The following CAMK2D variants were observed in gnomAD, a reference collection of about 807,000 sequenced individuals.
The protein encoded by CAMK2D is calcium/calmodulin dependent protein kinase II delta.
Under a neutral mutation model 84.0 loss-of-function variants are expected in CAMK2D, and 37 were observed. That is an observed-to-expected ratio of 0.44 (90% CI 0.34 to 0.58). The LOEUF (loss-of-function observed/expected upper bound fraction) is 0.58, where lower values mean the gene tolerates loss of function less well. CAMK2D is among the 20% of genes least tolerant of loss of function. The pLI, the probability that CAMK2D is intolerant of heterozygous loss-of-function variation, is 0.02. For synonymous variants in CAMK2D, 202 were observed against 212.5 expected (o/e 0.95, Z 0.43); for missense variants, 448 against 652.5 (o/e 0.69, Z 3.41).
chr4:113,623,383 TAC>T (rs144980152), intron 3 of CAMK2D, among the ~76,000 whole-genome samples: 8,977 of 150,340 alleles, frequency 0.06, 496 homozygotes, highest in East Asian at 0.2. Context: ...GATGTGTATA[TAC>T]ACACACACAC....
chr4:113,704,861 C>T (rs978642109), intron 2 of CAMK2D, among the ~76,000 whole-genome samples: 11 of 151,938 alleles, frequency 7.2e-5, no homozygotes, highest in Non-Finnish European at 1.6e-4. Context: ...GGAAGTTATA[C>T]TACACAAGAA....
intron 8 of CAMK2D, among the ~76,000 whole-genome samples, chr4:113,530,623 G>A (rs76951088): frequency 0.024 from 3,718 of 152,260 alleles, 127 homozygotes; most frequent in African/African-American, 0.084. Flanking sequence ...CCTCATGAAT[G>A]GGATTAATGC....
At chr4:113,500,266 G>A (rs1564659508) in intron 16 of CAMK2D, among the ~76,000 whole-genome samples, 197 bp downstream of exon 16, 2 of 152,040 alleles carry the variant, frequency 1.3e-5, no homozygotes, top group East Asian at 1.9e-4. Context: ...AAAAGAATAT[G>A]TAGGAAAAAT....
At chr4:113,496,707 C>T (rs112291950) in intron 16 of CAMK2D, among the ~76,000 whole-genome samples, 8,445 of 151,868 alleles carry the variant, frequency 0.056, 722 homozygotes, top group African/African-American at 0.19. Flanking sequence ...CCTCAGCCTC[C>T]GAAAGTGCTG....
intron 2 of CAMK2D, among the ~76,000 whole-genome samples, chr4:113,741,751 A>G (rs1190955207): frequency 6.6e-6 from 1 of 152,132 alleles, no homozygotes; most frequent in Non-Finnish European, 1.5e-5. Flanking sequence ...AACTTGGCTA[A>G]AAGACTCTAC....
chr4:113,519,199 T>C (rs758590661), intron 8 of CAMK2D, among the ~76,000 whole-genome samples: 6 of 152,200 alleles, frequency 3.9e-5, no homozygotes, highest in Non-Finnish European at 8.8e-5. Flanking sequence ...ATAGTTTCCA[T>C]TGAATATGAA....
chr4:113,750,489 G>A (rs1010072476), intron 2 of CAMK2D, among the ~76,000 whole-genome samples: 3 of 152,098 alleles, frequency 2.0e-5, no homozygotes, highest in East Asian at 1.9e-4. Context: ...CTGTGCACGC[G>A]TCTATCACAG....
chr4:113,564,371 G>A (rs751703355), intron 4 of CAMK2D, among the ~76,000 whole-genome samples: 4 of 151,844 alleles, frequency 2.6e-5, no homozygotes, highest in Non-Finnish European at 4.4e-5. Flanking sequence ...TGCTGGTAAC[G>A]CCTAGCTAGG....
At chr4:113,599,393 T>C (rs955420218) in intron 4 of CAMK2D, among the ~76,000 whole-genome samples, 50 of 152,352 alleles carry the variant, frequency 3.3e-4, no homozygotes, top group African/African-American at 1.2e-3. Context: ...TGGATGTTTA[T>C]AGCAGCTTTA....
chr4:113,726,164 G>A (rs2148696649), intron 2 of CAMK2D, among the ~76,000 whole-genome samples: 1 of 152,108 alleles, frequency 6.6e-6, no homozygotes, highest in East Asian at 1.9e-4. Flanking sequence ...AATCCTCTGA[G>A]GTACATATTA....
intron 2 of CAMK2D, among the ~76,000 whole-genome samples, chr4:113,688,910 C>CAAAA (rs34196728): frequency 6.0e-5 from 3 of 49,714 alleles, no homozygotes; most frequent in African/African-American, 7.6e-5. Flanking sequence ...AAAGAAGATG[C>CAAAA]AAAAAAAAAA....
chr4:113,679,907 A>G (rs1029243032), intron 2 of CAMK2D, among the ~76,000 whole-genome samples: 2 of 152,222 alleles, frequency 1.3e-5, no homozygotes, highest in Non-Finnish European at 2.9e-5. Flanking sequence ...AAAGTTACCT[A>G]AAGTGACTGA....
chr4:113,550,070 A>G (rs1476357237), intron 5 of CAMK2D, among the ~76,000 whole-genome samples: 4 of 152,252 alleles, frequency 2.6e-5, no homozygotes, highest in Non-Finnish European at 5.9e-5. Context: ...AAGATAAAGA[A>G]GTAAACAATA....
intron 2 of CAMK2D, among the ~76,000 whole-genome samples, chr4:113,726,374 C>CTTTTTTT (rs34696947): frequency 2.9e-3 from 205 of 69,572 alleles, no homozygotes; most frequent in East Asian, 4.1e-3. Flanking sequence ...TTTGCTTGGG[C>CTTTTTTT]TTTTTTTTTT....
rs535050582 is a variant in CAMK2D at position 113,713,794 on chromosome 4, A to G, written c.160+45526T>C. On this transcript the variant is annotated intron_variant, in intron 2 of 20. Transcript: ENST00000511664. ...TTGTTTTTTAATAGCCTGGGTACCT[A>G]TCCTTCACATGTGATATTTTTTTTC... Among the ~76,000 whole-genome samples, 14 of 151,528 alleles carry G rather than the reference A, an allele frequency of 9.2e-5. No homozygotes were observed. In the South Asian group the frequency reaches 2.9e-3, roughly 31 times the overall value.
At chr4:113,471,030 T>C (rs2097541094) in intron 16 of CAMK2D, among the ~76,000 whole-genome samples, 2 of 152,240 alleles carry the variant, frequency 1.3e-5, no homozygotes, top group South Asian at 4.1e-4. Flanking sequence ...AATTTAAGTA[T>C]AAAGTAGTAT....
At chr4:113,610,040 T>G (rs6855318) in intron 3 of CAMK2D, among the ~76,000 whole-genome samples, 22,870 of 151,954 alleles carry the variant, frequency 0.15, 1,766 homozygotes, top group South Asian at 0.18. Flanking sequence ...TTTTTTTTTT[T>G]GCTTATTTAT....
chr4:113,496,135 A>G (rs1046112167), intron 16 of CAMK2D, among the ~76,000 whole-genome samples: 2 of 152,200 alleles, frequency 1.3e-5, no homozygotes, highest in Non-Finnish European at 2.9e-5. Context: ...GGAAAGAACT[A>G]CTGCTACACA....
At chr4:113,639,103 G>A (rs183331746) in intron 3 of CAMK2D, among the ~76,000 whole-genome samples, 1,493 of 148,992 alleles carry the variant, frequency 0.01, 38 homozygotes, top group African/African-American at 0.036. Flanking sequence ...AAAATAGCCC[G>A]GTGTGGTGGT....
Sources: gnomAD v4.1 joint callset for allele counts (sites outside exome capture counted in the v4.1 genomes callset) on GRCh38, gnomAD v4.1.1 for gene constraint, MANE v1.5 for transcripts, NCBI Gene and HGNC (gene_info 2026-07-23, HGNC 2026-07-21) for gene names.